RIMBP2: variants seen among roughly 807,000 people sequenced by gnomAD.
RIMBP2 encodes RIMS binding protein 2.
RIMBP2 carries 48 observed loss-of-function variants against 118.6 expected under a neutral mutation model. That is an observed-to-expected ratio of 0.40 (90% CI 0.32 to 0.51). The LOEUF is 0.51. Ranked by LOEUF, RIMBP2 falls within the 20% of genes least tolerant of loss-of-function variation. The pLI, the probability that RIMBP2 is intolerant of heterozygous loss-of-function variation, is 0.41. For synonymous variants in RIMBP2, 762 were observed against 742.9 expected (o/e 1.03, Z -0.42); for missense variants, 1,551 against 1,768.3 (o/e 0.88, Z 2.20).
chr12:130,543,629 G>A (rs1299753612), intron 2 of RIMBP2, among the ~76,000 whole-genome samples: 2 of 151,830 alleles, frequency 1.3e-5, no homozygotes. Context: ...GAGTGATGAG[G>A]GCCACCTCTT....
At chr12:130,668,820 C>A (rs1235199304) in intron 1 of RIMBP2, among the ~76,000 whole-genome samples, 1 of 152,226 alleles carries the variant, frequency 6.6e-6, no homozygotes, top group Non-Finnish European at 1.5e-5. Flanking sequence ...TATGCCCTGG[C>A]TCCCCAGATG....
chr12:130,478,385 G>A (rs1215090479), intron 5 of RIMBP2, among the ~76,000 whole-genome samples: 2 of 152,164 alleles, frequency 1.3e-5, no homozygotes, highest in Non-Finnish European at 2.9e-5. Context: ...ACATCACACG[G>A]CGCCTGGTGT....
chr12:130,476,945 G>A (rs2081482366), intron 5 of RIMBP2, among the ~76,000 whole-genome samples: 1 of 152,194 alleles, frequency 6.6e-6, no homozygotes, highest in Non-Finnish European at 1.5e-5. Context: ...GACCACCCAC[G>A]TGGAAACTGA....
intron 5 of RIMBP2, among the ~76,000 whole-genome samples, chr12:130,472,817 T>C (rs1286624358): frequency 3.3e-5 from 5 of 152,280 alleles, no homozygotes; most frequent in Non-Finnish European, 7.4e-5. Flanking sequence ...TTCTCACATA[T>C]TTCCAATGAG....
chr12:130,493,065 A>G (rs955827011), intron 4 of RIMBP2, among the ~76,000 whole-genome samples: 6 of 152,110 alleles, frequency 3.9e-5, no homozygotes, highest in African/African-American at 1.4e-4. Context: ...TGGGCGCAGG[A>G]GGCGGAGGCT....
At chr12:130,712,542 A>C (rs1187852011) in intron 1 of RIMBP2, among the ~76,000 whole-genome samples, 1 of 152,078 alleles carries the variant, frequency 6.6e-6, no homozygotes, top group Non-Finnish European at 1.5e-5. Flanking sequence ...GGAATAACAC[A>C]AGGTGTGCCG....
At chr12:130,482,198 C>T (rs2082072708) in intron 4 of RIMBP2, among the ~76,000 whole-genome samples, 1 of 152,244 alleles carries the variant, frequency 6.6e-6, no homozygotes, top group African/African-American at 2.4e-5. Flanking sequence ...GACGGACAGT[C>T]TCTGCAGACC....
intron 2 of RIMBP2, among the ~76,000 whole-genome samples, chr12:130,536,814 T>G (rs2054127055): frequency 6.6e-6 from 1 of 152,210 alleles, no homozygotes; most frequent in South Asian, 2.1e-4. Flanking sequence ...AGATACCACC[T>G]TCACCAGGTG....
intron 1 of RIMBP2, among the ~76,000 whole-genome samples, chr12:130,669,465 TC>T (rs1483996712): frequency 3.9e-5 from 6 of 152,088 alleles, no homozygotes; most frequent in Non-Finnish European, 8.8e-5. Context: ...CGGGGCGGTT[TC>T]CCCGTGCTGT....
At position 130,437,205 on chromosome 12, in the gene RIMBP2, C is replaced by T; in HGVS notation, c.1743G>A (p.Val581=). The change falls in exon 13 of 23, where the codon GTG becomes GTA. Residue 581 remains valine, a synonymous_variant. Coordinates refer to ENST00000690449, the MANE Select transcript of RIMBP2 (RefSeq NM_001393629.1). ...LRSLEAKGVT[V]RTLSAQGESV... is the part of the protein sequence containing the mutation. The stretch of plus-strand genomic sequence containing the variant: ...ACTCGCCCTGGGCGGAGAGGGTCCG[C>T]ACGGTCACGCCCTTGGCCTCCAGGC... 2 of 1,584,818 alleles carry T rather than the reference C, an allele frequency of 1.3e-6. No homozygotes were observed. The highest frequency in any genetic ancestry group is 8.6e-7 in the Non-Finnish European group (1 of 1,169,080).
At chr12:130,538,980 T>C (rs187177235) in intron 2 of RIMBP2, among the ~76,000 whole-genome samples, 2 of 152,272 alleles carry the variant, frequency 1.3e-5, no homozygotes, top group African/African-American at 4.8e-5. Context: ...GCAGGGCATG[T>C]CCACGGCTCT....
chr12:130,532,841 G>C (rs558343011), intron 2 of RIMBP2, among the ~76,000 whole-genome samples: 1 of 149,848 alleles, frequency 6.7e-6, no homozygotes, highest in Non-Finnish European at 1.5e-5. Flanking sequence ...AATGAGATGC[G>C]TGTGTTTAGC....
At chr12:130,439,354 G>A (rs2077837419) in intron 11 of RIMBP2, among the ~76,000 whole-genome samples, 1 of 148,126 alleles carries the variant, frequency 6.8e-6, no homozygotes, top group Non-Finnish European at 1.5e-5. Flanking sequence ...TAGATGTGTG[G>A]GCATGCGTAT....
intron 1 of RIMBP2, among the ~76,000 whole-genome samples, chr12:130,694,049 C>T (rs887928535): frequency 2.0e-5 from 3 of 152,190 alleles, no homozygotes; most frequent in African/African-American, 4.8e-5. Context: ...AGAATATAAA[C>T]CCTTCTCTTG....
intron 2 of RIMBP2, among the ~76,000 whole-genome samples, chr12:130,604,582 C>T (rs368615352): frequency 3.7e-4 from 25 of 67,260 alleles, no homozygotes; most frequent in East Asian, 1.1e-3. Context: ...TGCCCCTTTT[C>T]TTTCTTTTTT....
intron 1 of RIMBP2, among the ~76,000 whole-genome samples, chr12:130,655,304 G>A (rs1267355103): frequency 6.6e-6 from 1 of 152,154 alleles, no homozygotes; most frequent in Non-Finnish European, 1.5e-5. Context: ...AAATTACCTC[G>A]TTATATACCA....
rs1281699872 is a variant in RIMBP2, at chr12:130,412,737, G to A, written c.3471C>T (p.Ala1157=). Residue 1157 remains alanine, a synonymous_variant, in exon 19 of 23, where the codon GCC becomes GCT. Transcript: ENST00000690449. ...ADGFYRGETC[A]RLGLIPCNMV... Reference sequence around the variant, plus strand: ...TGTTACAAGGAATAAGGCCAAGCCGGGCACAGGTTTCCCCACGGTAGAATC... The same window carrying A: ...TGTTACAAGGAATAAGGCCAAGCCGAGCACAGGTTTCCCCACGGTAGAATC... 1.9e-6 allele frequency: 3 copies of A among 1,613,748 alleles called. No homozygotes were observed. The highest frequency in any genetic ancestry group is 2.5e-6 in the Non-Finnish European group (3 of 1,179,986).
chr12:130,564,619 C>G (rs2057081960), intron 2 of RIMBP2, among the ~76,000 whole-genome samples: 2 of 152,106 alleles, frequency 1.3e-5, no homozygotes, highest in South Asian at 4.1e-4. Flanking sequence ...GGATAGACCT[C>G]AAAGACATTA....
chr12:130,709,399 G>T (rs539739211), intron 1 of RIMBP2, among the ~76,000 whole-genome samples: 2 of 152,364 alleles, frequency 1.3e-5, no homozygotes, highest in African/African-American at 4.8e-5. Context: ...CTGGGGCTGG[G>T]GCAGGTCTCT....
Sources: allele counts gnomAD v4.1 joint callset (sites outside exome capture counted in the v4.1 genomes callset), GRCh38; gene constraint gnomAD v4.1.1; transcripts MANE v1.5; gene names NCBI Gene and HGNC (gene_info 2026-07-23, HGNC 2026-07-21).